TMEM108: variants seen among roughly 807,000 people sequenced by gnomAD.
The protein encoded by TMEM108 is transmembrane protein 108, also known as cancer/testis antigen 124.
Under a neutral mutation model 35.1 loss-of-function variants are expected in TMEM108, and 12 were observed. That is an observed-to-expected ratio of 0.34 (90% CI 0.22 to 0.55). TMEM108 has a LOEUF of 0.55. Ranked by LOEUF, TMEM108 falls within the 20% of genes least tolerant of loss-of-function variation. The pLI is 0.89. For missense variants in TMEM108, 680 were observed against 753.3 expected (o/e 0.90, Z 1.14); for synonymous variants, 287 against 308.6 (o/e 0.93, Z 0.73).
At chr3:133,385,625 A>G (rs966205758) in intron 4 of TMEM108, among the ~76,000 whole-genome samples, 3 of 152,198 alleles carry the variant, frequency 2.0e-5, no homozygotes, top group Admixed American at 6.5e-5. Context: ...CAGGTTTCTC[A>G]TCGACAAAAC....
intron 4 of TMEM108, chr3:133,387,429 T>C: frequency 1.0e-6 from 1 of 985,432 alleles, no homozygotes; most frequent in Non-Finnish European, 1.2e-6. Flanking sequence ...AGCATGAACA[T>C]GTGAGGGGAA....
chr3:133,193,041 G>A (rs1945524347), intron 2 of TMEM108, among the ~76,000 whole-genome samples: 1 of 152,086 alleles, frequency 6.6e-6, no homozygotes, highest in South Asian at 2.1e-4. Flanking sequence ...TGTTAGCCTA[G>A]GTCAAAGTAC....
intron 2 of TMEM108, among the ~76,000 whole-genome samples, chr3:133,097,678 G>A (rs1944032696): frequency 6.6e-6 from 1 of 152,192 alleles, no homozygotes; most frequent in African/African-American, 2.4e-5. Flanking sequence ...AGACTTTCAT[G>A]TAGAATTCAT....
At chr3:133,358,762 C>A (rs1025992898) in intron 3 of TMEM108, among the ~76,000 whole-genome samples, 8 of 152,172 alleles carry the variant, frequency 5.3e-5, no homozygotes, top group Admixed American at 5.2e-4. Flanking sequence ...TCCCCTAACC[C>A]ACAGCTACTT....
At chr3:133,379,273 G>T (rs900277660) in intron 3 of TMEM108, among the ~76,000 whole-genome samples, 1 of 152,202 alleles carries the variant, frequency 6.6e-6, no homozygotes, top group East Asian at 1.9e-4. Flanking sequence ...CATAAGAGTT[G>T]GTACATACTG....
At chr3:133,081,084 A>C (rs1943804139) in intron 2 of TMEM108, among the ~76,000 whole-genome samples, 1 of 152,218 alleles carries the variant, frequency 6.6e-6, no homozygotes, top group Non-Finnish European at 1.5e-5. Context: ...GAACAGTTCC[A>C]TAGCACAGTG....
intron 5 of TMEM108, among the ~76,000 whole-genome samples, chr3:133,392,635 C>A (rs1249392563): frequency 6.6e-6 from 1 of 152,146 alleles, no homozygotes; most frequent in Non-Finnish European, 1.5e-5. Context: ...AGATTGAACC[C>A]TTGATTTCGC....
chr3:133,140,456 G>T (rs558128405), intron 2 of TMEM108, among the ~76,000 whole-genome samples: 1 of 152,322 alleles, frequency 6.6e-6, no homozygotes, highest in Admixed American at 6.5e-5. Context: ...GAATGGTAGA[G>T]TTGTGAAGAA....
chr3:133,096,800 G>C lies in TMEM108; in HGVS notation c.-47+50780G>C, dbSNP rs1022677056. Among the ~76,000 whole-genome samples the C allele has an allele frequency of 2.6e-5, 4 of 152,274 alleles. No homozygotes were observed. In the East Asian group the frequency reaches 7.7e-4, roughly 29 times the overall value. On this transcript the variant is annotated intron_variant, in intron 2 of 5. Transcript: ENST00000321871. ...ATATCTAAATAATTTGGTATAATAC[G>C]CAACAGAAGACTGTGGGTGAACTGA...
chr3:133,135,569 TGGG>T (rs1016380695), intron 2 of TMEM108, among the ~76,000 whole-genome samples: 1 of 151,964 alleles, frequency 6.6e-6, no homozygotes, highest in Non-Finnish European at 1.5e-5. Flanking sequence ...AACAGGGAAT[TGGG>T]GGAGGTTTTA....
chr3:133,199,307 C>G (rs1263306029), intron 2 of TMEM108, among the ~76,000 whole-genome samples: 1 of 152,188 alleles, frequency 6.6e-6, no homozygotes, highest in South Asian at 2.1e-4. Flanking sequence ...ATTCTCTGTC[C>G]AGCTTTGTTC....
chr3:133,273,011 G>A (rs1235129522), intron 3 of TMEM108, among the ~76,000 whole-genome samples: 1 of 152,144 alleles, frequency 6.6e-6, no homozygotes, highest in Non-Finnish European at 1.5e-5. Flanking sequence ...GACAGAGAAG[G>A]GACCAGGCTC....
At chr3:133,231,351 G>T (rs912925147) in intron 3 of TMEM108, among the ~76,000 whole-genome samples, 1 of 151,928 alleles carries the variant, frequency 6.6e-6, no homozygotes, top group South Asian at 2.1e-4. Context: ...TATTTATTTC[G>T]TTCATGAATC....
intron 3 of TMEM108, among the ~76,000 whole-genome samples, chr3:133,338,613 G>A (rs2071570842): frequency 6.6e-6 from 1 of 152,044 alleles, no homozygotes; most frequent in South Asian, 2.1e-4. Flanking sequence ...TCATCTGAAG[G>A]TACAAAACTC....
chr3:133,285,934 G>A lies in TMEM108; in HGVS notation c.40+56583G>A, dbSNP rs141075970. On this transcript the variant is annotated intron_variant, in intron 3 of 5. Transcript: ENST00000321871. The stretch of plus-strand genomic sequence containing the variant: ...ACTGGCATTGCTATGTGTTTGAGGT[G>A]GAGGGGGCACCTCATGACATGAACT... Among the ~76,000 whole-genome samples the A allele has an allele frequency of 3.5e-3, 535 of 152,278 alleles. 1 individual carries two copies. The highest frequency in any genetic ancestry group is 0.012 in the African/African-American group (492 of 41,542).
chr3:133,192,921 T>TGTGTGTGTGTGCGCGTGTGTGC (rs1419512673), intron 2 of TMEM108: 36 of 152,018 alleles, frequency 2.4e-4, no homozygotes, highest in African/African-American at 8.2e-4. Flanking sequence ...TGTGTGTGTG[T>TGTGTGTGTGTGCGCGTGTGTGC]GTGCGCGTGT....
chr3:133,190,735 AC>A (rs1415943875), intron 2 of TMEM108, among the ~76,000 whole-genome samples: 1 of 152,204 alleles, frequency 6.6e-6, no homozygotes, highest in Non-Finnish European at 1.5e-5. Flanking sequence ...GGGGCTGGGT[AC>A]AAGAAGAGAC....
intron 3 of TMEM108, among the ~76,000 whole-genome samples, chr3:133,313,320 C>G: frequency 6.6e-6 from 1 of 151,908 alleles, no homozygotes; most frequent in East Asian, 1.9e-4. Flanking sequence ...GCTTCAGCCT[C>G]CCAAGTAGCT....
At position 133,056,764 on chromosome 3, in the gene TMEM108, A is replaced by G. The variant is rs150391449; in HGVS notation, c.-47+10744A>G. 2.0e-5 allele frequency among the ~76,000 whole-genome samples: 3 copies of G among 152,290 alleles called. No homozygotes were observed. The East Asian group carries it at 5.8e-4, about 29-fold the overall frequency. ...GTGAAAACTATGTTCATGGACATTC[A>G]GAATGTCCTGGTATATCTGCCCATA... is the stretch of plus-strand genomic sequence containing the variant. On this transcript the variant is annotated intron_variant, in intron 2 of 5. Transcript: ENST00000321871.
Sources: gnomAD v4.1 joint callset for allele counts (sites outside exome capture counted in the v4.1 genomes callset) on GRCh38, gnomAD v4.1.1 for gene constraint, MANE v1.5 for transcripts, NCBI Gene and HGNC (gene_info 2026-07-23, HGNC 2026-07-21) for gene names.